Variants in RELN observed in about 807,000 individuals in gnomAD.
RELN encodes reelin.
RELN carries 108 observed loss-of-function variants against 427.6 expected under a neutral mutation model. That is an observed-to-expected ratio of 0.25 (90% CI 0.22 to 0.30). The LOEUF is 0.30. RELN is among the 10% of genes least tolerant of loss of function. The pLI is 1.00. For missense variants in RELN, 3,715 were observed against 4,302.8 expected (o/e 0.86, Z 3.82); for synonymous variants, 1,524 against 1,513.4 (o/e 1.01, Z -0.16).
At chr7:103,693,708 A>T (rs1190485793) in intron 10 of RELN, among the ~76,000 whole-genome samples, 1 of 152,090 alleles carries the variant, frequency 6.6e-6, no homozygotes, top group African/African-American at 2.4e-5. Context: ...TTAAGCATGG[A>T]GGCAGCATAA....
In RELN at chr7:103,835,011, CAG is replaced by C. The variant is rs549985903; in HGVS notation, c.338-1341_338-1340del. Among the ~76,000 whole-genome samples the C allele has an allele frequency of 3.0e-4, 45 of 152,268 alleles. No homozygotes were observed. The South Asian group carries it at 8.1e-3, about 27-fold the overall frequency. On this transcript the variant is annotated intron_variant, in intron 2 of 64. Coordinates refer to ENST00000428762, the MANE Select transcript of RELN (RefSeq NM_005045.4). ...AAAACCTGTACAGGGGTGTTTTCAG[CAG>C]CTTTATTCATAATTGCCAAAAGTTG...
intron 49 of RELN, among the ~76,000 whole-genome samples, chr7:103,517,935 C>A (rs757740612): frequency 6.6e-6 from 1 of 152,176 alleles, no homozygotes; most frequent in African/African-American, 2.4e-5. Context: ...AAAGGAAGTA[C>A]GTGCAGCTGT....
At chr7:103,970,881 C>T (rs142381984) in intron 1 of RELN, among the ~76,000 whole-genome samples, 226 of 152,222 alleles carry the variant, frequency 1.5e-3, no homozygotes, top group African/African-American at 4.9e-3. Context: ...CAAGGCTAGG[C>T]GTGGTGGCTC....
chr7:103,570,383 A>G (rs531833285), intron 31 of RELN, among the ~76,000 whole-genome samples: 1 of 152,374 alleles, frequency 6.6e-6, no homozygotes, highest in East Asian at 1.9e-4. Context: ...ATTTCAATGT[A>G]TCAAATGTCA....
At position 103,569,385 on chromosome 7, in the gene RELN, C is replaced by A. The variant is rs887058181; in HGVS notation, c.4589-2626G>T. Among the ~76,000 whole-genome samples, 2 of 152,220 alleles carry A rather than the reference C, an allele frequency of 1.3e-5. No homozygotes were observed. The highest frequency in any genetic ancestry group is 2.9e-5 in the Non-Finnish European group (2 of 68,030). ...CTCACCAGAGACCCTGGGCCAGAACCATTTAGCTAAGCTGCTCCAAAATTC... is the reference window on the plus strand; with the variant it reads ...CTCACCAGAGACCCTGGGCCAGAACAATTTAGCTAAGCTGCTCCAAAATTC... On this transcript the variant is annotated intron_variant, in intron 31 of 64. Transcript: ENST00000428762. This position sits in a 1 kb window ranked among gnomAD's most constrained non-coding sequence, Gnocchi z 4.0.
chr7:103,767,562 T>C (rs1178873940), intron 4 of RELN, among the ~76,000 whole-genome samples: 8 of 152,216 alleles, frequency 5.3e-5, no homozygotes, highest in Non-Finnish European at 8.8e-5. Flanking sequence ...ATAGGACTCA[T>C]GTGGTTCAGA....
At chr7:103,730,322 C>A (rs985672647) in intron 6 of RELN, among the ~76,000 whole-genome samples, 2 of 151,910 alleles carry the variant, frequency 1.3e-5, no homozygotes, top group African/African-American at 4.8e-5. Context: ...ATATGTATTA[C>A]AAGCCCCCTC....
chr7:103,768,420 C>G (rs563211439), intron 4 of RELN, among the ~76,000 whole-genome samples: 8 of 152,168 alleles, frequency 5.3e-5, no homozygotes, highest in African/African-American at 1.9e-4. Flanking sequence ...GGACTCCTTA[C>G]AGTTTACATG....
At chr7:103,592,375 T>C (rs1022566153) in intron 27 of RELN, among the ~76,000 whole-genome samples, 2 of 152,202 alleles carry the variant, frequency 1.3e-5, no homozygotes, top group Non-Finnish European at 2.9e-5. Context: ...ATGTCATCCT[T>C]TTTTATGGCT....
At chr7:103,682,432 A>T (rs961136596) in intron 10 of RELN, among the ~76,000 whole-genome samples, 171 bp from the exon 11 acceptor site, 3 of 152,198 alleles carry the variant, frequency 2.0e-5, no homozygotes, top group Non-Finnish European at 4.4e-5. Flanking sequence ...TAATTCAATT[A>T]CAATTTCTTT....
At chr7:103,900,937 G>GA (rs1184489328) in intron 2 of RELN, among the ~76,000 whole-genome samples, 55 of 151,548 alleles carry the variant, frequency 3.6e-4, no homozygotes, top group Non-Finnish European at 7.2e-4. Flanking sequence ...CATGGGCAAA[G>GA]ATGTAAATAG....
At chr7:103,918,540 C>T (rs1482949499) in intron 1 of RELN, among the ~76,000 whole-genome samples, 2 of 152,070 alleles carry the variant, frequency 1.3e-5, no homozygotes, top group African/African-American at 4.8e-5. Flanking sequence ...GCAAAGTAAC[C>T]ATGGCCAAAC....
chr7:103,908,072 C>T (rs1015703779), intron 2 of RELN, among the ~76,000 whole-genome samples: 9 of 152,028 alleles, frequency 5.9e-5, no homozygotes, highest in African/African-American at 9.7e-5. Flanking sequence ...TGGTTTTATC[C>T]TCACACTTAC....
At chr7:103,596,253 T>C (rs979823582) in intron 25 of RELN, among the ~76,000 whole-genome samples, 7 of 152,222 alleles carry the variant, frequency 4.6e-5, no homozygotes, top group Non-Finnish European at 8.8e-5. Flanking sequence ...AAAAAATCTT[T>C]AAAAATTCAA....
At chr7:103,736,900 T>C (rs938604722) in intron 6 of RELN, among the ~76,000 whole-genome samples, 4 of 151,956 alleles carry the variant, frequency 2.6e-5, no homozygotes, top group African/African-American at 7.3e-5. Context: ...AATTACATCA[T>C]GATAGAAAAA....
At chr7:103,873,379 G>C (rs1396466668) in intron 2 of RELN, among the ~76,000 whole-genome samples, 1 of 134,560 alleles carries the variant, frequency 7.4e-6, no homozygotes, top group Non-Finnish European at 1.6e-5. Context: ...AGGAAACAGA[G>C]ACACAAAAAA....
intron 6 of RELN, among the ~76,000 whole-genome samples, chr7:103,744,386 T>C (rs962708061): frequency 6.6e-6 from 1 of 151,934 alleles, no homozygotes; most frequent in African/African-American, 2.4e-5. Context: ...ATTCAAAAGC[T>C]AGCAGAAGGC....
intron 6 of RELN, among the ~76,000 whole-genome samples, chr7:103,733,458 A>G (rs1370114126): frequency 7.4e-6 from 1 of 134,944 alleles, no homozygotes; most frequent in South Asian, 2.4e-4. Context: ...CCAAAGGACT[A>G]TAAATCATGC....
Position 103,604,970 on chromosome 7 carries a change from C to T in RELN, c.3009-487G>A, listed in dbSNP as rs142724551. Reference sequence around the variant, plus strand: ...TCAGCCTCCCAAATAGCTGGGATTGCAGGCACACACCAACATGCCTGGCTA... The same window carrying T: ...TCAGCCTCCCAAATAGCTGGGATTGTAGGCACACACCAACATGCCTGGCTA... On this transcript the variant is annotated intron_variant, in intron 22 of 64. Transcript: ENST00000428762. Among the ~76,000 whole-genome samples the T allele has an allele frequency of 1.3e-3, 204 of 152,028 alleles. 1 individual carries two copies. The highest frequency in any genetic ancestry group is 2.2e-3 in the Non-Finnish European group (147 of 67,992).
Sources: allele counts gnomAD v4.1 joint callset (sites outside exome capture counted in the v4.1 genomes callset), GRCh38; gene constraint gnomAD v4.1.1; non-coding constraint Gnocchi (gnomAD v3.1); transcripts MANE v1.5; gene names NCBI Gene and HGNC (gene_info 2026-07-23, HGNC 2026-07-21).